Variants in SMC5 observed in about 807,000 individuals in gnomAD.
SMC5 encodes the protein structural maintenance of chromosomes 5, also known as structural maintenance of chromosomes protein 5.
Under a neutral mutation model 148.3 loss-of-function variants are expected in SMC5, and 88 were observed. That is an observed-to-expected ratio of 0.59 (90% CI 0.50 to 0.71). The LOEUF is 0.71. SMC5 is among the 30% of genes least tolerant of loss of function. The pLI is 0.00. For missense variants in SMC5, 1,142 were observed against 1,298.9 expected (o/e 0.88, Z 1.86); for synonymous variants, 421 against 432.8 (o/e 0.97, Z 0.34).
intron 11 of SMC5, among the ~76,000 whole-genome samples, chr9:70,307,068 T>G (rs1207793603): frequency 1.3e-5 from 2 of 152,190 alleles, no homozygotes; most frequent in East Asian, 3.8e-4. Flanking sequence ...AACAAAATCT[T>G]CTAAAAGGAA....
intron 13 of SMC5, among the ~76,000 whole-genome samples, chr9:70,317,134 ACC>A (rs1158783080): frequency 6.6e-6 from 1 of 152,062 alleles, no homozygotes; most frequent in Non-Finnish European, 1.5e-5. Flanking sequence ...GAAGATATAA[ACC>A]TTTATTGAGG....
At chr9:70,350,580 A>G in intron 24 of SMC5, 109 bp downstream of exon 24, 3 of 640,652 alleles carry the variant, frequency 4.7e-6, no homozygotes, top group South Asian at 5.4e-5. Flanking sequence ...CTCCCAAAAA[A>G]GGAATTTAAA....
At chr9:70,261,339 A>G (rs1162544003) in intron 1 of SMC5, among the ~76,000 whole-genome samples, 2 of 152,232 alleles carry the variant, frequency 1.3e-5, no homozygotes, top group African/African-American at 4.8e-5. Context: ...GATTGGAAGC[A>G]AAAAGACAAT....
chr9:70,319,021 T>C (rs1044399758), intron 15 of SMC5, 58 bp downstream of exon 15: 3 of 1,415,452 alleles, frequency 2.1e-6, no homozygotes, highest in African/African-American at 1.5e-5. Flanking sequence ...AGAATATTAA[T>C]TATACACTGT....
At chr9:70,325,019 T>A (rs1244413322) in intron 17 of SMC5, among the ~76,000 whole-genome samples, 1 of 152,016 alleles carries the variant, frequency 6.6e-6, no homozygotes, top group Non-Finnish European at 1.5e-5. Context: ...CTTATTGGGG[T>A]TTCATTATAT....
chr9:70,350,453 C>A lies in SMC5; in HGVS notation c.3147C>A (p.Tyr1049Ter), dbSNP rs538844815. Residue 1049 changes from tyrosine to a stop codon, truncating the protein, a stop_gained, in exon 24 of 25, where the codon TAC becomes TAA. Coordinates refer to ENST00000361138, the MANE Select transcript of SMC5 (RefSeq NM_015110.4). LOFTEE classifies it high-confidence loss of function. ...NTACKENTSQ[Y>*]FFITPKLLQN... is the part of the protein sequence containing the mutation. ...CCTGTAAAGAAAATACATCTCAATACTTTTTCATAACACCAAAGGTAGGTA... is the reference window on the plus strand; with the variant it reads ...CCTGTAAAGAAAATACATCTCAATAATTTTTCATAACACCAAAGGTAGGTA... 6.3e-7 allele frequency: 1 copy of A among 1,594,688 alleles called. No homozygotes were observed. Among genetic ancestry groups the A allele is most frequent in the African/African-American group, 1.4e-5 (1 of 73,906 alleles).
chr9:70,322,909 C>G (rs2026137), intron 15 of SMC5, among the ~76,000 whole-genome samples: 1 of 152,118 alleles, frequency 6.6e-6, no homozygotes, highest in African/African-American at 2.4e-5. Flanking sequence ...CTCCTTTAGG[C>G]AAGCTTTTAT....
At chr9:70,308,590 CAAAAA>C (rs59441324) in intron 11 of SMC5, among the ~76,000 whole-genome samples, 6 of 72,240 alleles carry the variant, frequency 8.3e-5, no homozygotes, top group African/African-American at 2.1e-4. Flanking sequence ...GACTCTGTCT[CAAAAA>C]AAAAAAAAAA....
chr9:70,333,804 A>G (rs1055989317), intron 17 of SMC5, among the ~76,000 whole-genome samples: 1 of 152,172 alleles, frequency 6.6e-6, no homozygotes, highest in African/African-American at 2.4e-5. Flanking sequence ...AAATTTGATG[A>G]GAGAAAACTT....
chr9:70,288,669 A>G (rs910900416), intron 8 of SMC5, among the ~76,000 whole-genome samples: 6 of 152,028 alleles, frequency 3.9e-5, no homozygotes, highest in Non-Finnish European at 7.4e-5. Flanking sequence ...TCAATTTAAG[A>G]TATTATAATT....
intron 11 of SMC5, among the ~76,000 whole-genome samples, chr9:70,307,190 C>T (rs1433314361): frequency 6.6e-6 from 1 of 152,136 alleles, no homozygotes; most frequent in Non-Finnish European, 1.5e-5. Context: ...GTCAGAAGTT[C>T]GAGACCAGCC....
chr9:70,310,191 T>C (rs1459027534), intron 11 of SMC5, among the ~76,000 whole-genome samples: 1 of 152,206 alleles, frequency 6.6e-6, no homozygotes. Context: ...TTGCCCAGAT[T>C]CATCAGAGGA....
intron 8 of SMC5, among the ~76,000 whole-genome samples, chr9:70,293,325 TC>T: frequency 6.6e-6 from 1 of 151,754 alleles, no homozygotes; most frequent in Admixed American, 6.6e-5. Flanking sequence ...TACTGGCAAT[TC>T]CCCCTCTCCC....
At chr9:70,324,567 G>T (rs1213385421) in intron 17 of SMC5, among the ~76,000 whole-genome samples, 1 of 152,078 alleles carries the variant, frequency 6.6e-6, no homozygotes, top group Non-Finnish European at 1.5e-5. Context: ...AAGTTTCAGG[G>T]TATCCATGTG....
intron 6 of SMC5, 144 bp downstream of exon 6, chr9:70,281,043 C>CT (rs895384041): frequency 0.078 from 46,701 of 600,160 alleles, 1 homozygote; most frequent in Middle Eastern, 0.1. Context: ...AAATTCATGT[C>CT]TTTTTTTTTT....
chr9:70,328,027 G>A (rs531694975), intron 17 of SMC5, among the ~76,000 whole-genome samples: 1 of 152,222 alleles, frequency 6.6e-6, no homozygotes, highest in African/African-American at 2.4e-5. Flanking sequence ...ACCGGATCTT[G>A]TGAGAACTCA....
chr9:70,333,331 A>T (rs898490244), intron 17 of SMC5, among the ~76,000 whole-genome samples: 4 of 152,200 alleles, frequency 2.6e-5, no homozygotes, highest in African/African-American at 9.7e-5. Flanking sequence ...CTGGCTGGGC[A>T]TGGTGGCTCA....
At chr9:70,301,870 A>C (rs535277245) in intron 10 of SMC5, among the ~76,000 whole-genome samples, 2 of 152,208 alleles carry the variant, frequency 1.3e-5, no homozygotes, top group African/African-American at 2.4e-5. Flanking sequence ...TTGTTTAAAA[A>C]ATCATAAAGC....
intron 17 of SMC5, among the ~76,000 whole-genome samples, chr9:70,328,796 T>A (rs1326358722): frequency 6.6e-6 from 1 of 152,122 alleles, no homozygotes; most frequent in Non-Finnish European, 1.5e-5. Context: ...CTAGTAGAGG[T>A]TCTCCATGAG....
Sources: gnomAD v4.1 joint callset for allele counts (sites outside exome capture counted in the v4.1 genomes callset) on GRCh38, gnomAD v4.1.1 for gene constraint, MANE v1.5 for transcripts, NCBI Gene and HGNC (gene_info 2026-07-23, HGNC 2026-07-21) for gene names.